PRPS2: variants seen among roughly 807,000 people sequenced by gnomAD.
PRPS2 encodes the protein phosphoribosyl pyrophosphate synthetase 2, also known as ribose-phosphate pyrophosphokinase 2.
For missense variants in PRPS2, 104 were observed against 271.5 expected (o/e 0.38, Z 4.34); for synonymous variants, 111 against 115.3 (o/e 0.96, Z 0.24).
intron 4 of PRPS2, among the ~76,000 whole-genome samples, chrX:12,816,490 A>T (rs1205328998): frequency 9.1e-6 from 1 of 110,132 alleles, no homozygotes; most frequent in African/African-American, 3.3e-5. Context: ...TTTTGTAGAG[A>T]TGGGGTTTTA....
At chrX:12,820,946 T>A in intron 6 of PRPS2, 143 bp downstream of exon 6, 1 of 609,893 alleles carries the variant, frequency 1.6e-6, no homozygotes, top group Non-Finnish European at 2.4e-6. Flanking sequence ...CGGCAGGATA[T>A]AAATCATATT....
chrX:12,817,536 C>A (rs1028886880), intron 4 of PRPS2, among the ~76,000 whole-genome samples: 6 of 105,355 alleles, frequency 5.7e-5, no homozygotes, highest in African/African-American at 1.4e-4. Context: ...TATGACCCAG[C>A]AATTCCACTC....
intron 2 of PRPS2, among the ~76,000 whole-genome samples, chrX:12,799,980 G>C (rs2042561693): frequency 1.8e-5 from 2 of 112,222 alleles, no homozygotes; most frequent in South Asian, 7.4e-4. Flanking sequence ...ATTAGCATCA[G>C]AGGAGGCTCT....
chrX:12,823,950 A>G lies in PRPS2; in HGVS notation c.*1154A>G, dbSNP rs1224090990. 4 of 112,282 alleles carry G rather than the reference A, an allele frequency of 3.6e-5. No individual in the cohort carries two copies. Among genetic ancestry groups the G allele is most frequent in the Non-Finnish European group, 5.6e-5 (3 of 53,246 alleles). The allele number at this position is 112,282 out of a possible 1,213,427, so 9.3% of individuals were successfully genotyped here. ...CCACCAAATACATTGGTCCTGTCCA[A>G]TTCTACTGAATGGGGGTGGACCTGG... On this transcript the variant is annotated 3_prime_UTR_variant, in exon 7 of 7. Coordinates refer to ENST00000380668, the MANE Select transcript of PRPS2 (RefSeq NM_002765.5).
At chrX:12,804,934 T>A (rs1247909559) in intron 2 of PRPS2, among the ~76,000 whole-genome samples, 1 of 111,292 alleles carries the variant, frequency 9.0e-6, no homozygotes, top group Non-Finnish European at 1.9e-5. Flanking sequence ...GTGTAATTGC[T>A]CTTCTTGGAA....
chrX:12,804,443 A>T (rs1411857403), intron 2 of PRPS2, among the ~76,000 whole-genome samples: 2 of 111,302 alleles, frequency 1.8e-5, no homozygotes, highest in East Asian at 5.6e-4. Flanking sequence ...CGCCTGGCCC[A>T]CCTTTGCATT....
Position 12,824,075 on chromosome X carries a change from CAT to C in PRPS2, c.*1282_*1283del, listed in dbSNP as rs1293466745. 4 of 112,509 alleles carry C rather than the reference CAT, an allele frequency of 3.6e-5. No individual in the cohort carries two copies. The highest frequency in any genetic ancestry group is 7.5e-5 in the Non-Finnish European group (4 of 53,312). 9.3% of individuals were successfully genotyped at this position (112,509 alleles called of 1,213,427 possible). A position where few individuals can be genotyped will look rare whatever the true frequency, so the allele number is the denominator to read the frequency against. On this transcript the variant is annotated 3_prime_UTR_variant, in exon 7 of 7. Transcript: ENST00000380668. ...TTACATTAGTCAACTTATAGATACT[CAT>C]ATGATCACTTTTCTTTTTAGATACT...
rs771471873 is a variant in PRPS2 at position 12,807,395 on chromosome X, C to T, written c.307-1839C>T. Among the ~76,000 whole-genome samples, 13 of 112,423 alleles carry T rather than the reference C, an allele frequency of 1.2e-4. No individual in the cohort carries two copies. The South Asian group carries it at 1.5e-3, about 13-fold the overall frequency. The stretch of plus-strand genomic sequence containing the variant: ...GAATTTTGGAGGTGACCTTTCAACC[C>T]GTAGTAACTGATTCGACAATTGTAG... On this transcript the variant is annotated intron_variant, in intron 2 of 6. Transcript: ENST00000380668.
At chrX:12,792,648 G>C (rs1359842485) in intron 1 of PRPS2, among the ~76,000 whole-genome samples, 1 of 112,006 alleles carries the variant, frequency 8.9e-6, no homozygotes, top group Non-Finnish European at 1.9e-5. Context: ...CTTTGGCAAA[G>C]GTTCAATTTT....
intron 4 of PRPS2, among the ~76,000 whole-genome samples, chrX:12,815,427 C>T (rs927726601): frequency 1.6e-4 from 18 of 111,625 alleles, no homozygotes; most frequent in Non-Finnish European, 1.1e-4. Context: ...AAGGGCAGTG[C>T]TTCCCAGTGC....
intron 2 of PRPS2, among the ~76,000 whole-genome samples, chrX:12,801,771 G>T (rs1351036324): frequency 8.9e-6 from 1 of 111,890 alleles, no homozygotes; most frequent in African/African-American, 3.3e-5. Context: ...ACCACGCCTG[G>T]CTAATTTTTG....
intron 4 of PRPS2, among the ~76,000 whole-genome samples, chrX:12,815,499 C>T (rs949466672): frequency 5.4e-5 from 6 of 111,815 alleles, no homozygotes; most frequent in African/African-American, 9.8e-5. Flanking sequence ...AATAAGCAGA[C>T]GGTAATGTAT....
At chrX:12,801,242 G>A (rs2042568486) in intron 2 of PRPS2, among the ~76,000 whole-genome samples, 1 of 107,029 alleles carries the variant, frequency 9.3e-6, no homozygotes, top group African/African-American at 3.6e-5. Context: ...GTGTGTGTGT[G>A]TGTGTGTGTG....
At chrX:12,801,744 G>A (rs2042571480) in intron 2 of PRPS2, among the ~76,000 whole-genome samples, 1 of 112,114 alleles carries the variant, frequency 8.9e-6, no homozygotes, top group Non-Finnish European at 1.9e-5. Context: ...GAGTAGCTGG[G>A]ACTACAGGTG....
At chrX:12,806,376 C>T (rs746165018) in intron 2 of PRPS2, among the ~76,000 whole-genome samples, 172 of 112,151 alleles carry the variant, frequency 1.5e-3, no homozygotes, top group Admixed American at 2.6e-3. Context: ...TAGCCTGGGA[C>T]TCTGTCATGA....
At chrX:12,819,442 A>G (rs1267119730) in intron 4 of PRPS2, 65 bp from the exon 5 acceptor site, 7 of 1,133,963 alleles carry the variant, frequency 6.2e-6, no homozygotes, top group Non-Finnish European at 7.1e-6. Flanking sequence ...ACATTCCCAA[A>G]ATACAACTTT....
intron 4 of PRPS2, 114 bp from the exon 5 acceptor site, chrX:12,819,393 C>T: frequency 3.4e-6 from 3 of 882,216 alleles, no homozygotes; most frequent in Non-Finnish European, 4.8e-6. Context: ...TCAAGAGAGG[C>T]CTGATTCTTG....
At chrX:12,811,703 A>G (rs1180356507) in intron 4 of PRPS2, among the ~76,000 whole-genome samples, 1 of 112,204 alleles carries the variant, frequency 8.9e-6, no homozygotes, top group African/African-American at 3.2e-5. Flanking sequence ...TGGCACCCTC[A>G]TCTGCCTGCA....
At position 12,823,606 on chromosome X, in the gene PRPS2, T is replaced by G. The variant is rs946368174; in HGVS notation, c.*810T>G. 2 of 111,928 alleles carry G rather than the reference T, an allele frequency of 1.8e-5. No homozygotes were observed. The highest frequency in any genetic ancestry group is 1.9e-4 in the Admixed American group (2 of 10,509). The allele number at this position is 111,928 out of a possible 1,213,427, so 9.2% of individuals were successfully genotyped here. A position where few individuals can be genotyped will look rare whatever the true frequency, so the allele number is the denominator to read the frequency against. ...GTAATCATTTCAGCTAAGATTAAAT[T>G]TAAAGCCTAAGAATGTATAGAGCTA... is the stretch of plus-strand genomic sequence containing the variant. On this transcript the variant is annotated 3_prime_UTR_variant, in exon 7 of 7. Coordinates refer to ENST00000380668, the MANE Select transcript of PRPS2 (RefSeq NM_002765.5).
Sources: allele counts gnomAD v4.1 joint callset (sites outside exome capture counted in the v4.1 genomes callset), GRCh38; gene constraint gnomAD v4.1.1; transcripts MANE v1.5; gene names NCBI Gene and HGNC (gene_info 2026-07-23, HGNC 2026-07-21).